NAA15: variants seen among roughly 807,000 people sequenced by gnomAD.
NAA15 encodes the protein N-terminal acetyltransferase.
A neutral mutation model predicts 114.0 loss-of-function variants in NAA15; 34 were observed. That is an observed-to-expected ratio of 0.30 (90% CI 0.23 to 0.40). The LOEUF (loss-of-function observed/expected upper bound fraction) is 0.40, where lower values mean the gene tolerates loss of function less well. NAA15 is among the 10% of genes least tolerant of loss of function. NAA15 has a pLI of 1.00. For synonymous variants in NAA15, 340 were observed against 338.0 expected (o/e 1.01, Z -0.06); for missense variants, 658 against 1,004.5 (o/e 0.66, Z 4.66).
chr4:139,384,226 C>T (rs1041225202), intron 17 of NAA15, among the ~76,000 whole-genome samples: 1 of 152,136 alleles, frequency 6.6e-6, no homozygotes, highest in Non-Finnish European at 1.5e-5. Context: ...CCTGTAATCC[C>T]AACACTTTGG....
Position 139,342,807 on chromosome 4 carries a change from T to C in NAA15, c.403-19T>C. 3 of 1,599,182 alleles carry C rather than the reference T, an allele frequency of 1.9e-6. No homozygotes were observed. Among genetic ancestry groups the C allele is most frequent in the Non-Finnish European group, 1.7e-6 (2 of 1,175,564 alleles). On this transcript the variant is annotated intron_variant, in intron 4 of 19. Coordinates refer to ENST00000296543, the MANE Select transcript of NAA15 (RefSeq NM_057175.5). ...TACTAAAAGCCTAAGAAAAAGTGTT[T>C]ATTTTTTTCCTTTTAAAGGAAACGA...
chr4:139,324,608 C>T (rs1018394611), intron 1 of NAA15, among the ~76,000 whole-genome samples: 1 of 152,094 alleles, frequency 6.6e-6, no homozygotes, highest in Non-Finnish European at 1.5e-5. Context: ...TTTCACTTTC[C>T]GTAAATAAAA....
At chr4:139,313,102 G>A (rs1312590236) in intron 1 of NAA15, among the ~76,000 whole-genome samples, 1 of 151,808 alleles carries the variant, frequency 6.6e-6, no homozygotes, top group African/African-American at 2.4e-5. Flanking sequence ...TTCCTGAGTG[G>A]CATCTGTAAG....
At chr4:139,305,794 A>C (rs190916251) in intron 1 of NAA15, among the ~76,000 whole-genome samples, 1,797 of 152,266 alleles carry the variant, frequency 0.012, 12 homozygotes, top group East Asian at 0.03. Flanking sequence ...TTGGCCTCCC[A>C]GAATGCTGGG....
At chr4:139,312,665 A>G (rs1435751551) in intron 1 of NAA15, among the ~76,000 whole-genome samples, 1 of 151,674 alleles carries the variant, frequency 6.6e-6, no homozygotes, top group African/African-American at 2.4e-5. Flanking sequence ...GCAACATAGC[A>G]AGGCTCTGTC....
intron 14 of NAA15, among the ~76,000 whole-genome samples, chr4:139,363,104 T>C (rs1471956703): frequency 6.6e-6 from 1 of 152,204 alleles, no homozygotes; most frequent in Non-Finnish European, 1.5e-5. Context: ...TGGTGTTGCT[T>C]CAACTTAGAA....
chr4:139,301,561 T>C lies in NAA15; in HGVS notation c.-217T>C, dbSNP rs1405203474. 2 of 580,550 alleles carry C rather than the reference T, an allele frequency of 3.4e-6. No homozygotes were observed. Among genetic ancestry groups the C allele is most frequent in the African/African-American group, 1.9e-5 (1 of 52,170 alleles). 36.0% of individuals were successfully genotyped at this position (580,550 alleles called of 1,614,324 possible). A position where few individuals can be genotyped will look rare whatever the true frequency, so the allele number is the denominator to read the frequency against. On this transcript the variant is annotated 5_prime_UTR_variant, in exon 1 of 20. Coordinates refer to ENST00000296543, the MANE Select transcript of NAA15 (RefSeq NM_057175.5). ...GTGAACCGCCGACGGAGACCCGTAG[T>C]GGGGGAGGCGGCGGCAGCGTTAAGT...
At chr4:139,315,499 C>G (rs1746381416) in intron 1 of NAA15, among the ~76,000 whole-genome samples, 1 of 151,814 alleles carries the variant, frequency 6.6e-6, no homozygotes, top group Non-Finnish European at 1.5e-5. Context: ...GCCTGAGTGA[C>G]AGCGTGAGAC....
chr4:139,317,408 G>A (rs1234095755), intron 1 of NAA15, among the ~76,000 whole-genome samples: 1 of 152,098 alleles, frequency 6.6e-6, no homozygotes, highest in Non-Finnish European at 1.5e-5. Context: ...TAGATCACGA[G>A]GTCAAGAGTT....
intron 2 of NAA15, among the ~76,000 whole-genome samples, chr4:139,335,120 G>C (rs1747153470): frequency 6.6e-6 from 1 of 152,040 alleles, no homozygotes; most frequent in Non-Finnish European, 1.5e-5. Flanking sequence ...AGAAATTCAA[G>C]ATCAGCCTGG....
intron 17 of NAA15, among the ~76,000 whole-genome samples, chr4:139,382,554 A>G (rs1026029082): frequency 6.6e-6 from 1 of 152,174 alleles, no homozygotes; most frequent in Admixed American, 6.5e-5. Context: ...AGCAAGGCCT[A>G]TGTAAATAAT....
At chr4:139,309,365 A>T (rs1746136785) in intron 1 of NAA15, among the ~76,000 whole-genome samples, 1 of 151,486 alleles carries the variant, frequency 6.6e-6, no homozygotes, top group South Asian at 2.1e-4. Flanking sequence ...AAAAAAAAAA[A>T]TCTAGTGAGA....
intron 1 of NAA15, among the ~76,000 whole-genome samples, chr4:139,318,780 G>A (rs964073345): frequency 6.6e-6 from 1 of 151,750 alleles, no homozygotes; most frequent in Non-Finnish European, 1.5e-5. Flanking sequence ...CTTAAACCCG[G>A]AAAGTGGAGG....
At chr4:139,315,306 G>A (rs1042551701) in intron 1 of NAA15, among the ~76,000 whole-genome samples, 1 of 151,908 alleles carries the variant, frequency 6.6e-6, no homozygotes, top group African/African-American at 2.4e-5. Context: ...GATCACTTGA[G>A]CCCAAGAGTT....
intron 6 of NAA15, among the ~76,000 whole-genome samples, chr4:139,346,113 T>G (rs948351056): frequency 6.6e-6 from 1 of 152,086 alleles, no homozygotes; most frequent in African/African-American, 2.4e-5. Context: ...CCAATAGAGA[T>G]AGAATATTTG....
intron 1 of NAA15, among the ~76,000 whole-genome samples, chr4:139,312,887 T>C (rs1301502713): frequency 6.6e-6 from 1 of 151,806 alleles, no homozygotes; most frequent in Non-Finnish European, 1.5e-5. Flanking sequence ...AGTGTAAGAA[T>C]TAAATGATGG....
rs1745768024 is a variant in NAA15 at position 139,301,849 on chromosome 4, G to C, written c.54+18G>C. ...GGATCTTGGTAAGTGTGAGGCTCCG[G>C]GCAAGCGGTGGGGAGGATTTAGCCG... is the stretch of plus-strand genomic sequence containing the variant. On this transcript the variant is annotated intron_variant, in intron 1 of 19. Coordinates refer to ENST00000296543, the MANE Select transcript of NAA15 (RefSeq NM_057175.5). 6.3e-7 allele frequency: 1 copy of C among 1,581,508 alleles called. No individual in the cohort carries two copies. Among genetic ancestry groups the C allele is most frequent in the Non-Finnish European group, 8.6e-7 (1 of 1,162,584 alleles).
chr4:139,370,275 C>T lies in NAA15; in HGVS notation c.1818C>T (p.Ala606=). 1 of 1,582,818 alleles carries T rather than the reference C, an allele frequency of 6.3e-7. No individual in the cohort carries two copies. Among genetic ancestry groups the T allele is most frequent in the African/African-American group, 1.4e-5 (1 of 73,106 alleles). ...AACAAAGAAGAGCTCAAAAGAAAGC[C>T]CAGATAGAAGAAGAGAAAAAAAATG... ...RNKQRRAQKK[A]QIEEEKKNAE... is the part of the protein sequence containing the mutation. The change falls in exon 15 of 20, where the codon GCC becomes GCT. Residue 606 remains alanine (A), a synonymous_variant. Transcript: ENST00000296543.
At chr4:139,383,551 A>G (rs1466899845) in intron 17 of NAA15, among the ~76,000 whole-genome samples, 1 of 152,054 alleles carries the variant, frequency 6.6e-6, no homozygotes, top group East Asian at 1.9e-4. Flanking sequence ...GCTCACTGCA[A>G]CCTCCACCTC....
Sources: allele counts gnomAD v4.1 joint callset (sites outside exome capture counted in the v4.1 genomes callset), GRCh38; gene constraint gnomAD v4.1.1; transcripts MANE v1.5; gene names NCBI Gene and HGNC (gene_info 2026-07-23, HGNC 2026-07-21).